Variants in CD53 observed in about 807,000 individuals in gnomAD.
CD53 encodes CD53 molecule.
In CD53, 20 loss-of-function variants were observed where a neutral mutation model predicts 27.3. The ratio of observed to expected loss-of-function variants is 0.73; its 90% CI spans 0.52 to 1.07. The LOEUF (loss-of-function observed/expected upper bound fraction) is 1.07, where lower values mean the gene tolerates loss of function less well. Among genes scored for constraint, CD53 ranks in the 50% least tolerant of loss-of-function variants. The probability of loss-of-function intolerance (pLI) is 0.00; values close to 1 mark genes in which losing one functional copy is unlikely to be tolerated. For synonymous variants in CD53, 106 were observed against 105.3 expected (o/e 1.01, Z -0.04); for missense variants, 216 against 264.0 (o/e 0.82, Z 1.26).
chr1:110,891,094 C>T (rs922089325), intron 1 of CD53, among the ~76,000 whole-genome samples: 1 of 152,260 alleles, frequency 6.6e-6, no homozygotes, highest in African/African-American at 2.4e-5. Context: ...AAGCACTGGC[C>T]TGGTCTCTGT....
intron 1 of CD53, among the ~76,000 whole-genome samples, chr1:110,885,714 A>T (rs1656560852): frequency 6.6e-6 from 1 of 151,396 alleles, no homozygotes; most frequent in Admixed American, 6.6e-5. Flanking sequence ...AACACAAAAA[A>T]TTAGCTGGGC....
At position 110,897,829 on chromosome 1, in the gene CD53, A is replaced by T; in HGVS notation, c.525A>T (p.Arg175Ser). Residue 175 changes from arginine (R) to serine (S), a missense_variant, in exon 7 of 8, where the codon AGA (arginine) becomes AGT (serine). Transcript: ENST00000271324. ...TCTAGGGTTGCTATGCGAAAGCAAG[A>T]CTGTGGTTTCATTCCAATTTCCTGT... ...RKVEGCYAKARLWFHSNFLYI... is the reference protein window; with the variant it reads ...RKVEGCYAKASLWFHSNFLYI... 1.2e-6 allele frequency: 2 copies of T among 1,610,752 alleles called. No homozygotes were observed. The highest frequency in any genetic ancestry group is 1.7e-6 in the Non-Finnish European group (2 of 1,177,236).
chr1:110,897,743 CA>C, intron 6 of CD53, 65 bp from the exon 7 acceptor site: 1 of 980,198 alleles, frequency 1.0e-6, no homozygotes. Flanking sequence ...CTGTATCTTC[CA>C]AATACTTCCT....
intron 6 of CD53, 79 bp downstream of exon 6, chr1:110,896,812 G>C: frequency 8.4e-7 from 1 of 1,185,060 alleles, no homozygotes; most frequent in Non-Finnish European, 1.2e-6. Context: ...AGTCATAGAG[G>C]ACCTAGACCT....
chr1:110,894,882 A>G, intron 4 of CD53, 78 bp from the exon 5 acceptor site: 2 of 1,088,050 alleles, frequency 1.8e-6, no homozygotes. Context: ...GGAACCACTA[A>G]CCTATACTGG....
intron 1 of CD53, among the ~76,000 whole-genome samples, chr1:110,883,193 C>G (rs1399488559): frequency 6.6e-6 from 1 of 151,732 alleles, no homozygotes; most frequent in African/African-American, 2.4e-5. Context: ...AATTCTATGC[C>G]CTTCATAAAT....
intron 7 of CD53, among the ~76,000 whole-genome samples, 186 bp from the exon 8 acceptor site, chr1:110,898,938 C>T (rs187999463): frequency 6.6e-6 from 1 of 152,206 alleles, no homozygotes; most frequent in East Asian, 1.9e-4. Flanking sequence ...TCATTGACCC[C>T]GTTTCTCTCC....
intron 1 of CD53, among the ~76,000 whole-genome samples, chr1:110,879,358 A>G (rs1173130318): frequency 2.0e-5 from 3 of 152,228 alleles, no homozygotes; most frequent in Non-Finnish European, 4.4e-5. Context: ...CACACTTCTG[A>G]TAAGTAGCAC....
chr1:110,874,772 G>A (rs868262132), intron 1 of CD53, among the ~76,000 whole-genome samples: 6 of 152,296 alleles, frequency 3.9e-5, no homozygotes, highest in Middle Eastern at 3.4e-3. Context: ...CCTCACCTTT[G>A]TTCACTGACA....
At chr1:110,894,281 C>T (rs774079595) in intron 3 of CD53, 46 bp from the exon 4 acceptor site, 54 of 1,551,030 alleles carry the variant, frequency 3.5e-5, no homozygotes, top group Admixed American at 2.8e-4. Flanking sequence ...GGGAGTGGGA[C>T]GAGAATGGGG....
chr1:110,894,460 G>C, intron 4 of CD53, 59 bp downstream of exon 4: 1 of 1,287,142 alleles, frequency 7.8e-7, no homozygotes, highest in Non-Finnish European at 1.1e-6. Flanking sequence ...GTATGCAGTG[G>C]AGAAGTTGGT....
chr1:110,876,427 T>A (rs1369634447), intron 1 of CD53, among the ~76,000 whole-genome samples: 1 of 152,238 alleles, frequency 6.6e-6, no homozygotes, highest in African/African-American at 2.4e-5. Context: ...ATGTAATTGA[T>A]CTTAAGCTAC....
chr1:110,896,758 T>C (rs1034012723), intron 6 of CD53, 25 bp downstream of exon 6: 2 of 1,589,390 alleles, frequency 1.3e-6, no homozygotes, highest in Non-Finnish European at 1.7e-6. Context: ...AATGTTTCTG[T>C]TATTGACCTC....
chr1:110,879,025 T>C (rs1267870198), intron 1 of CD53, among the ~76,000 whole-genome samples: 1 of 152,036 alleles, frequency 6.6e-6, no homozygotes, highest in Non-Finnish European at 1.5e-5. Context: ...TTTGATTTCT[T>C]TTTGTTTTTT....
At chr1:110,891,324 T>C in intron 1 of CD53, 68 bp from the exon 2 acceptor site, 2 of 1,069,424 alleles carry the variant, frequency 1.9e-6, no homozygotes, top group South Asian at 2.5e-5. Flanking sequence ...CCCTGAACAT[T>C]TGTGCACTCT....
Position 110,894,990 on chromosome 1 carries a change from G to T in CD53, c.358G>T (p.Asp120Tyr). ...TGAGTATGTGGCTAAGGGTCTGACCGACAGCATCCACCGTTACCACTCAGA... is the reference window on the plus strand; with the variant it reads ...TGAGTATGTGGCTAAGGGTCTGACCTACAGCATCCACCGTTACCACTCAGA... ...LNEYVAKGLT[D>Y]SIHRYHSDNS... is the part of the protein sequence containing the mutation. The change falls in exon 5 of 8, where the codon GAC becomes TAC. Residue 120 changes from aspartate (D) to tyrosine (Y), a missense_variant. Coordinates refer to ENST00000271324, the MANE Select transcript of CD53 (RefSeq NM_000560.4). The T allele has an allele frequency of 6.2e-7, 1 of 1,613,966 alleles. No homozygotes were observed.
intron 7 of CD53, 52 bp from the exon 8 acceptor site, chr1:110,899,072 A>G (rs1255291017): frequency 7.0e-7 from 1 of 1,428,130 alleles, no homozygotes; most frequent in South Asian, 1.2e-5. Context: ...GGCATTGTGA[A>G]AGAAATGGCT....
intron 1 of CD53, among the ~76,000 whole-genome samples, chr1:110,890,428 A>C (rs560899435): frequency 5.5e-4 from 83 of 152,186 alleles, no homozygotes; most frequent in African/African-American, 1.9e-3. Context: ...TTATCCGGGC[A>C]TGATGGTGCA....
chr1:110,894,278 G>T (rs763911844), intron 3 of CD53, 49 bp from the exon 4 acceptor site: 5 of 1,535,328 alleles, frequency 3.3e-6, no homozygotes, highest in Middle Eastern at 1.7e-4. Context: ...AGTGGGAGTG[G>T]GACGAGAATG....
Sources: allele counts gnomAD v4.1 joint callset (sites outside exome capture counted in the v4.1 genomes callset), GRCh38; gene constraint gnomAD v4.1.1; transcripts MANE v1.5; gene names NCBI Gene and HGNC (gene_info 2026-07-23, HGNC 2026-07-21).